MANBA: variants seen among roughly 807,000 people sequenced by gnomAD.
The protein encoded by MANBA is mannosidase beta, also known as beta-mannosidase.
A neutral mutation model predicts 111.1 loss-of-function variants in MANBA; 83 were observed. The ratio of observed to expected loss-of-function variants is 0.75; its 90% CI spans 0.63 to 0.90. The LOEUF (loss-of-function observed/expected upper bound fraction) is 0.90. Ranked by LOEUF, MANBA falls within the 40% of genes least tolerant of loss-of-function variation. The probability of loss-of-function intolerance (pLI) is 0.00; values close to 1 mark genes in which losing one functional copy is unlikely to be tolerated. For missense variants in MANBA, 1,036 were observed against 1,069.0 expected, an observed-to-expected ratio of 0.97 and a Z score of 0.43; for synonymous variants, 370 against 378.7, an observed-to-expected ratio of 0.98 and a Z score of 0.27.
At chr4:102,679,640 A>G (rs548398094) in intron 7 of MANBA, 14 of 152,254 alleles carry the variant, frequency 9.2e-5, no homozygotes, top group Admixed American at 3.9e-4. Context: ...AACTTTCTCA[A>G]AATTGATCTT....
intron 5 of MANBA, among the ~76,000 whole-genome samples, chr4:102,697,371 T>G (rs1249802644): frequency 6.6e-6 from 1 of 152,098 alleles, no homozygotes; most frequent in African/African-American, 2.4e-5. Context: ...TTATTATTAT[T>G]ATACTTTAAG....
intron 13 of MANBA, among the ~76,000 whole-genome samples, chr4:102,648,691 G>GTACC (rs1730203961): frequency 6.6e-6 from 1 of 152,066 alleles, no homozygotes; most frequent in South Asian, 2.1e-4. Context: ...TCACTTAACT[G>GTACC]TACCCTTAAG....
At chr4:102,747,853 A>T (rs1324379822) in intron 1 of MANBA, among the ~76,000 whole-genome samples, 1 of 152,232 alleles carries the variant, frequency 6.6e-6, no homozygotes, top group East Asian at 1.9e-4. Flanking sequence ...AACAAGACAA[A>T]CTATTTGCTT....
intron 1 of MANBA, among the ~76,000 whole-genome samples, chr4:102,737,234 G>C (rs547673357): frequency 1.3e-5 from 2 of 152,288 alleles, no homozygotes; most frequent in South Asian, 2.1e-4. Flanking sequence ...GGAGCTTGGG[G>C]GTGGTGAACA....
chr4:102,632,065 T>C lies in MANBA; in HGVS notation c.2632A>G (p.Ile878Val), dbSNP rs1409396131. ...ATACAACCTAGATTCCTTCAGTAAA[T>C]ATCTGTTAAGGAGGTCACATGAAAA... ...QSFHVTSLTDIY is the reference protein window; with the variant it reads ...QSFHVTSLTDVY Residue 878 changes from isoleucine (I) to valine (V), a missense_variant, in exon 17 of 17, where the codon ATT (isoleucine) becomes GTT (valine). Physicochemically the swap from Ile to Val is conservative, Grantham distance 29. Transcript: ENST00000647097. 6.3e-7 allele frequency: 1 copy of C among 1,596,658 alleles called. No individual in the cohort carries two copies. Among genetic ancestry groups the C allele is most frequent in the African/African-American group, 1.3e-5 (1 of 74,488 alleles).
At chr4:102,677,257 A>C (rs1012383274) in intron 7 of MANBA, among the ~76,000 whole-genome samples, 3 of 152,222 alleles carry the variant, frequency 2.0e-5, no homozygotes, top group Non-Finnish European at 2.9e-5. Context: ...AAAAACAACT[A>C]GCAGTATTTG....
chr4:102,758,761 A>G (rs1724121254), intron 1 of MANBA, among the ~76,000 whole-genome samples: 1 of 151,890 alleles, frequency 6.6e-6, no homozygotes, highest in African/African-American at 2.4e-5. Context: ...AGACTGGTCT[A>G]AACTCCACCT....
At chr4:102,638,909 TC>T in intron 14 of MANBA, among the ~76,000 whole-genome samples, 1 of 152,258 alleles carries the variant, frequency 6.6e-6, no homozygotes, top group East Asian at 1.9e-4. Flanking sequence ...AGAACAAGAC[TC>T]TGTCTCAAAA....
intron 1 of MANBA, among the ~76,000 whole-genome samples, chr4:102,758,083 C>G (rs559164701): frequency 6.6e-6 from 1 of 152,324 alleles, no homozygotes; most frequent in East Asian, 1.9e-4. Context: ...TATCAAAATA[C>G]CTATCTTGAA....
At chr4:102,756,622 G>C (rs1284856819) in intron 1 of MANBA, among the ~76,000 whole-genome samples, 1 of 150,782 alleles carries the variant, frequency 6.6e-6, no homozygotes, top group Non-Finnish European at 1.5e-5. Context: ...AGAACTTAAA[G>C]TATAACAAAA....
At chr4:102,698,873 G>GT (rs1253097188) in intron 5 of MANBA, among the ~76,000 whole-genome samples, 2 of 151,998 alleles carry the variant, frequency 1.3e-5, no homozygotes, top group African/African-American at 4.8e-5. Flanking sequence ...CTTTAAAGTA[G>GT]TTTTTTCCAA....
intron 1 of MANBA, chr4:102,728,526 C>T: frequency 2.7e-6 from 1 of 367,670 alleles, no homozygotes; most frequent in Non-Finnish European, 5.2e-6. Flanking sequence ...TAGCTGTTGG[C>T]AGAGCTAGCA....
chr4:102,708,113 A>T (rs935458720), intron 5 of MANBA, among the ~76,000 whole-genome samples: 2 of 152,196 alleles, frequency 1.3e-5, no homozygotes, highest in African/African-American at 4.8e-5. Context: ...TAGACAAAAA[A>T]TTAACAAAGA....
chr4:102,719,710 T>A (rs1010711847), intron 4 of MANBA, among the ~76,000 whole-genome samples: 1 of 152,254 alleles, frequency 6.6e-6, no homozygotes, highest in Non-Finnish European at 1.5e-5. Flanking sequence ...TTTCACTATA[T>A]CTTCATATCA....
chr4:102,760,630 G>T, intron 1 of MANBA, 88 bp downstream of exon 1: 1 of 1,366,438 alleles, frequency 7.3e-7, no homozygotes, highest in Non-Finnish European at 9.8e-7. Context: ...ATGGCCCAGA[G>T]CTGGGGGCTG....
At chr4:102,749,210 G>A (rs1288434814) in intron 1 of MANBA, among the ~76,000 whole-genome samples, 1 of 152,214 alleles carries the variant, frequency 6.6e-6, no homozygotes, top group Non-Finnish European at 1.5e-5. Context: ...AGGGTTGGGA[G>A]AATTGAGAGA....
At chr4:102,728,801 A>G in intron 1 of MANBA, 2 of 925,090 alleles carry the variant, frequency 2.2e-6, no homozygotes, top group Non-Finnish European at 3.3e-6. Flanking sequence ...ATGGGTCTCG[A>G]TCTTCTTCAC....
Position 102,638,834 on chromosome 4 carries a change from A to G in MANBA, c.2014+879T>C, listed in dbSNP as rs181659869. Among the ~76,000 whole-genome samples, 126 of 152,022 alleles carry G rather than the reference A, an allele frequency of 8.3e-4. 1 individual carries two copies. The highest frequency in any genetic ancestry group is 3.0e-3 in the African/African-American group (124 of 41,366). On this transcript the variant is annotated intron_variant, in intron 14 of 16. Transcript: ENST00000647097. ...ACTAATGAAAACATGTTTGGAATGA[A>G]TTTCTTTTGATCTGCATTCACAGCC...
At chr4:102,644,154 A>T (rs997617255) in intron 13 of MANBA, among the ~76,000 whole-genome samples, 4 of 152,182 alleles carry the variant, frequency 2.6e-5, no homozygotes, top group Non-Finnish European at 4.4e-5. Flanking sequence ...TGAAAACATG[A>T]TTCTTCCTCC....
Sources: gnomAD v4.1 joint callset for allele counts (sites outside exome capture counted in the v4.1 genomes callset) on GRCh38, gnomAD v4.1.1 for gene constraint, MANE v1.5 for transcripts, NCBI Gene and HGNC (gene_info 2026-07-23, HGNC 2026-07-21) for gene names.